ARMH3: variants seen among roughly 807,000 people sequenced by gnomAD.
ARMH3 encodes armadillo-like helical domain-containing protein 3.
A neutral mutation model predicts 99.1 loss-of-function variants in ARMH3; 60 were observed. The observed-to-expected ratio is 0.61, with a 90% CI of 0.49 to 0.75. ARMH3 has a LOEUF of 0.75. Ranked by LOEUF, ARMH3 falls within the 30% of genes least tolerant of loss-of-function variation. ARMH3 has a pLI of 0.00. For missense variants in ARMH3, 679 were observed against 843.1 expected, an observed-to-expected ratio of 0.81 and a Z score of 2.41; for synonymous variants, 285 against 292.8, an observed-to-expected ratio of 0.97 and a Z score of 0.27.
intron 1 of ARMH3, among the ~76,000 whole-genome samples, chr10:102,054,841 C>T (rs1330395005): frequency 6.6e-6 from 1 of 151,174 alleles, no homozygotes; most frequent in Non-Finnish European, 1.5e-5. Context: ...ACTAAAAATA[C>T]AAAAATTAGC....
At chr10:101,992,216 G>A (rs931901156) in intron 17 of ARMH3, among the ~76,000 whole-genome samples, 178 bp from the exon 18 acceptor site, 1 of 152,104 alleles carries the variant, frequency 6.6e-6, no homozygotes, top group Non-Finnish European at 1.5e-5. Context: ...GGGAAGGGAG[G>A]ACTTGTGAAT....
chr10:102,015,257 G>GA (rs1465303590), intron 8 of ARMH3, among the ~76,000 whole-genome samples: 1 of 152,056 alleles, frequency 6.6e-6, no homozygotes, highest in African/African-American at 2.4e-5. Context: ...CCTTGGAAAA[G>GA]AAAATCAAGC....
At chr10:101,970,606 G>C (rs1298379786) in intron 20 of ARMH3, among the ~76,000 whole-genome samples, 1 of 152,040 alleles carries the variant, frequency 6.6e-6, no homozygotes, top group African/African-American at 2.4e-5. Flanking sequence ...CAGATCACTT[G>C]AGTCCAGGAC....
At chr10:101,952,708 C>T (rs1212575689) in intron 22 of ARMH3, 1 of 152,186 alleles carries the variant, frequency 6.6e-6, no homozygotes, top group Non-Finnish European at 1.5e-5. Flanking sequence ...AGGCGCCCCT[C>T]TTAACCATTT....
intron 24 of ARMH3, among the ~76,000 whole-genome samples, chr10:101,870,015 G>A (rs1217610958): frequency 6.6e-6 from 1 of 152,140 alleles, no homozygotes; most frequent in Non-Finnish European, 1.5e-5. Flanking sequence ...CCTGGGTGAC[G>A]AAGTGAGATC....
intron 19 of ARMH3, among the ~76,000 whole-genome samples, chr10:101,980,342 T>A (rs7077949): frequency 0.27 from 40,601 of 151,958 alleles, 5,742 homozygotes; most frequent in East Asian, 0.52. Flanking sequence ...TCTGTCACAG[T>A]GGCTGGAGTG....
At chr10:102,053,583 C>G (rs554023133) in intron 1 of ARMH3, among the ~76,000 whole-genome samples, 342 of 152,156 alleles carry the variant, frequency 2.2e-3, no homozygotes, top group Non-Finnish European at 4.0e-3. Context: ...CTTCAACACC[C>G]AACTCAAGTA....
chr10:102,049,650 A>G (rs2067647734), intron 1 of ARMH3, among the ~76,000 whole-genome samples: 1 of 149,204 alleles, frequency 6.7e-6, no homozygotes, highest in South Asian at 2.1e-4. Flanking sequence ...GGCTCACTGC[A>G]GCCTCAGGGA....
chr10:101,958,063 T>C (rs749873603), intron 20 of ARMH3, among the ~76,000 whole-genome samples: 11 of 152,230 alleles, frequency 7.2e-5, no homozygotes, highest in Admixed American at 6.5e-5. Flanking sequence ...CCCATCAAAT[T>C]TGCTCAATTT....
At chr10:102,055,006 A>T (rs1226269776) in intron 1 of ARMH3, among the ~76,000 whole-genome samples, 1 of 150,136 alleles carries the variant, frequency 6.7e-6, no homozygotes, top group Non-Finnish European at 1.5e-5. Flanking sequence ...CAAAAAAACA[A>T]AAAACAAAAC....
At chr10:101,957,518 G>T in intron 21 of ARMH3, 132 bp downstream of exon 21, 1 of 975,638 alleles carries the variant, frequency 1.0e-6, no homozygotes, top group Non-Finnish European at 1.4e-6. Flanking sequence ...TCCAGATTCG[G>T]ATCCAAAAAA....
chr10:101,892,367 G>A (rs1485273220), intron 23 of ARMH3, among the ~76,000 whole-genome samples: 1 of 152,198 alleles, frequency 6.6e-6, no homozygotes, highest in African/African-American at 2.4e-5. Flanking sequence ...GCTGAAGTGG[G>A]AGGATCACTT....
intron 1 of ARMH3, among the ~76,000 whole-genome samples, chr10:102,052,154 A>C (rs1267833518): frequency 3.3e-5 from 5 of 152,050 alleles, no homozygotes; most frequent in Non-Finnish European, 5.9e-5. Context: ...TCAATTATAC[A>C]AGCCTCATGA....
intron 23 of ARMH3, among the ~76,000 whole-genome samples, chr10:101,928,289 A>G (rs1259194544): frequency 1.3e-5 from 2 of 152,196 alleles, no homozygotes; most frequent in African/African-American, 4.8e-5. Flanking sequence ...GTGAGGCCCC[A>G]TATCTACAAG....
intron 2 of ARMH3, among the ~76,000 whole-genome samples, chr10:102,035,351 C>T (rs552595849): frequency 7.2e-4 from 110 of 152,218 alleles, no homozygotes; most frequent in African/African-American, 2.5e-3. Flanking sequence ...GGCAACAGAG[C>T]GAGACTCAGT....
chr10:101,879,114 CCTTCCTT>C (rs1361421179), intron 24 of ARMH3, among the ~76,000 whole-genome samples: 1 of 152,154 alleles, frequency 6.6e-6, no homozygotes, highest in Non-Finnish European at 1.5e-5. Flanking sequence ...TCTTCACTCT[CCTTCCTT>C]CTTTCTCCAC....
At chr10:102,013,834 T>C in intron 9 of ARMH3, 134 bp downstream of exon 9, 1 of 731,180 alleles carries the variant, frequency 1.4e-6, no homozygotes, top group Non-Finnish European at 2.2e-6. Flanking sequence ...TAAAAAGAAA[T>C]ATTAATTCCC....
chr10:102,010,837 G>T (rs558259608), intron 11 of ARMH3, among the ~76,000 whole-genome samples: 13 of 152,268 alleles, frequency 8.5e-5, no homozygotes, highest in South Asian at 4.1e-4. Flanking sequence ...GCCCCTGAGA[G>T]ACTTCACTCA....
intron 20 of ARMH3, among the ~76,000 whole-genome samples, chr10:101,964,132 T>C (rs1276596343): frequency 6.6e-6 from 1 of 152,180 alleles, no homozygotes; most frequent in Non-Finnish European, 1.5e-5. Flanking sequence ...CACTTCGGCC[T>C]CCCAAAGTGC....
Sources: allele counts gnomAD v4.1 joint callset (sites outside exome capture counted in the v4.1 genomes callset), GRCh38; gene constraint gnomAD v4.1.1; transcripts MANE v1.5; gene names NCBI Gene and HGNC (gene_info 2026-07-23, HGNC 2026-07-21).